PUM2: variants seen among roughly 807,000 people sequenced by gnomAD.
The protein encoded by PUM2 is pumilio homolog 2.
In PUM2, 57 loss-of-function variants were observed where a neutral mutation model predicts 124.5. That is an observed-to-expected ratio of 0.46 (90% confidence interval 0.37 to 0.57). The LOEUF is 0.57. Ranked by LOEUF, PUM2 falls within the 20% of genes least tolerant of loss-of-function variation. PUM2 has a pLI of 0.00. For synonymous variants in PUM2, 460 were observed against 446.1 expected, an observed-to-expected ratio of 1.03 and a Z score of -0.39; for missense variants, 1,065 against 1,290.6, an observed-to-expected ratio of 0.83 and a Z score of 2.68.
chr2:20,261,262 A>T (rs1224117878), intron 14 of PUM2, among the ~76,000 whole-genome samples: 1 of 151,582 alleles, frequency 6.6e-6, no homozygotes, highest in Non-Finnish European at 1.5e-5. Context: ...ACGGTGGCAG[A>T]CGCCTGTAAG....
At chr2:20,351,866 C>T (rs1211168057), upstream of PUM2, among the ~76,000 whole-genome samples, 1 of 152,192 alleles carries the variant, frequency 6.6e-6, no homozygotes, top group African/African-American at 2.4e-5. Flanking sequence ...ACTGTGCCCG[C>T]AAGTGCCTGT....
chr2:20,298,908 T>C (rs1318692763), intron 7 of PUM2, among the ~76,000 whole-genome samples: 1 of 152,170 alleles, frequency 6.6e-6, no homozygotes, highest in African/African-American at 2.4e-5. Context: ...GGAAAATATA[T>C]CTTACTAGGC....
At chr2:20,349,540 G>C (rs1050264701) in intron 1 of PUM2, among the ~76,000 whole-genome samples, 8 of 151,338 alleles carry the variant, frequency 5.3e-5, no homozygotes, top group Admixed American at 3.9e-4. Flanking sequence ...TTATTTACAG[G>C]ATTCCTTAAG....
intron 1 of PUM2, among the ~76,000 whole-genome samples, chr2:20,344,772 G>A (rs1687896614): frequency 6.6e-6 from 1 of 151,904 alleles, no homozygotes; most frequent in African/African-American, 2.4e-5. Flanking sequence ...CACGAGGTCA[G>A]GAGATGGAGA....
At chr2:20,321,593 T>G (rs192524437) in intron 2 of PUM2, among the ~76,000 whole-genome samples, 48 of 151,778 alleles carry the variant, frequency 3.2e-4, no homozygotes, top group South Asian at 1.2e-3. Flanking sequence ...GTGAACTAAA[T>G]GTAGGGGAAG....
intron 14 of PUM2, among the ~76,000 whole-genome samples, chr2:20,261,394 CAAAAAAAAAAAAAAAA>C (rs200294801): frequency 0.57 from 44,208 of 77,888 alleles, 9,781 homozygotes; most frequent in East Asian, 0.82. Context: ...ACTCTGTCTC[CAAAAAAAAAAAAAAAA>C]AAAAAAAAAA....
chr2:20,271,503 G>A lies in PUM2; in HGVS notation c.1957+7080C>T, dbSNP rs145940241. On this transcript the variant is annotated intron_variant, in intron 13 of 20. Transcript: ENST00000361078. Reference sequence around the variant, plus strand: ...TAATTTTTGTATTTTTAATAGAGACGGGGTTTCGCCACATTGCCCAGGCTG... The same window carrying A: ...TAATTTTTGTATTTTTAATAGAGACAGGGTTTCGCCACATTGCCCAGGCTG... Among the ~76,000 whole-genome samples the A allele has an allele frequency of 2.5e-4, 38 of 152,120 alleles. 1 individual carries two copies. The highest frequency in any genetic ancestry group is 8.9e-4 in the African/African-American group (37 of 41,486).
intron 3 of PUM2, among the ~76,000 whole-genome samples, chr2:20,314,503 T>C (rs1680410045): frequency 6.6e-6 from 1 of 152,208 alleles, no homozygotes; most frequent in Non-Finnish European, 1.5e-5. Flanking sequence ...CAAATAGTTT[T>C]TGCTGGAAAC....
intron 1 of PUM2, chr2:20,331,627 A>AG (rs1291873118): frequency 6.6e-6 from 1 of 151,742 alleles, no homozygotes; most frequent in Admixed American, 6.6e-5. Flanking sequence ...AAAAAAAAAA[A>AG]AAAGAAAGAA....
chr2:20,340,596 C>T (rs1304988957), intron 1 of PUM2, among the ~76,000 whole-genome samples: 2 of 152,164 alleles, frequency 1.3e-5, no homozygotes, highest in Non-Finnish European at 2.9e-5. Context: ...GTTTCACCTA[C>T]CCAAGGCTGG....
upstream of PUM2, chr2:20,350,845 C>T (rs1025867867): frequency 1.8e-5 from 17 of 942,618 alleles, no homozygotes; most frequent in Non-Finnish European, 2.0e-5. Context: ...GCCCTCCCCT[C>T]CCCCCCGCCC....
chr2:20,338,947 G>T (rs1484522897), intron 1 of PUM2, among the ~76,000 whole-genome samples: 2 of 152,038 alleles, frequency 1.3e-5, no homozygotes, highest in African/African-American at 4.8e-5. Context: ...CACACTAGTT[G>T]TATCTTTAGA....
rs753516440 is a variant in PUM2, at chr2:20,255,242, G to A, written c.2722C>T (p.His908Tyr). Residue 908 changes from histidine (H) to tyrosine (Y), a missense_variant, in exon 18 of 21, where the codon CAC becomes TAC. Around this residue, in one of 3 missense-constraint regions of PUM2, gnomAD observed 968 missense variants for 1,159.8 expected, o/e 0.83. Transcript: ENST00000361078. ...EQTLPILEEL[H>Y]QHTEQLVQDQ... The stretch of plus-strand genomic sequence containing the variant: ...TGTACCAACTGCTCTGTATGTTGGT[G>A]GAGTTCTTCTAAGATAGGTAAGGTC... 7 of 1,601,638 alleles carry A rather than the reference G, an allele frequency of 4.4e-6. No homozygotes were observed. The South Asian group carries it at 7.7e-5, about 18-fold the overall frequency.
chr2:20,342,913 T>C (rs1042561642), intron 1 of PUM2, among the ~76,000 whole-genome samples: 4 of 152,016 alleles, frequency 2.6e-5, no homozygotes, highest in Non-Finnish European at 5.9e-5. Flanking sequence ...TAGGTAGAAA[T>C]GTATGGAGAG....
chr2:20,288,824 A>G (rs1673323766), intron 10 of PUM2, among the ~76,000 whole-genome samples: 1 of 152,218 alleles, frequency 6.6e-6, no homozygotes, highest in Non-Finnish European at 1.5e-5. Flanking sequence ...ACAATGAAGT[A>G]AAGAAGGCAT....
At position 20,263,328 on chromosome 2, in the gene PUM2, T is replaced by C. The variant is rs1380767707; in HGVS notation, c.2090A>G (p.Tyr697Cys). 6.2e-7 allele frequency: 1 copy of C among 1,614,192 alleles called. No homozygotes were observed. Among genetic ancestry groups the C allele is most frequent in the African/African-American group, 1.3e-5 (1 of 75,046 alleles). Residue 697 changes from tyrosine to cysteine, a missense_variant, in exon 14 of 21, where the codon TAT becomes TGT. Physicochemically the swap from Tyr to Cys is radical, Grantham distance 194. Coordinates refer to ENST00000361078, the MANE Select transcript of PUM2 (RefSeq NM_015317.5). ...AGAAGGCATAATATCAGACCTATTATACCGAAGCCGGGAAGGAGGAAAGAG... is the reference window on the plus strand; with the variant it reads ...AGAAGGCATAATATCAGACCTATTACACCGAAGCCGGGAAGGAGGAAAGAG... ...SQLFPPSRLR[Y>C]NRSDIMPSGR...
chr2:20,301,484 G>A lies in PUM2; in HGVS notation c.884-3806C>T, dbSNP rs116368052. Among the ~76,000 whole-genome samples, 748 of 152,104 alleles carry A rather than the reference G, an allele frequency of 4.9e-3. 6 individuals carry two copies. The highest frequency in any genetic ancestry group is 0.016 in the African/African-American group (670 of 41,466). ...CTGATATGTATACATACTTTTAAAC[G>A]CATATATACTCATTCATTTTGTACT... is the stretch of plus-strand genomic sequence containing the variant. On this transcript the variant is annotated intron_variant, in intron 7 of 20. Coordinates refer to ENST00000361078, the MANE Select transcript of PUM2 (RefSeq NM_015317.5).
upstream of PUM2, among the ~76,000 whole-genome samples, chr2:20,351,499 G>C (rs1689336607): frequency 6.6e-6 from 1 of 152,210 alleles, no homozygotes; most frequent in East Asian, 1.9e-4. Flanking sequence ...AACTCAGGTC[G>C]TTCTCCAGCT....
At position 20,251,556 on chromosome 2, in the gene PUM2, A is replaced by C; in HGVS notation, c.*29T>G. On this transcript the variant is annotated 3_prime_UTR_variant, in exon 21 of 21. Coordinates refer to ENST00000361078, the MANE Select transcript of PUM2 (RefSeq NM_015317.5). ...CAAAAAAATTCTTTTCACATGGTTAAATTATCTTCTTTCTCTTGCTCCTGT... is the reference window on the plus strand; with the variant it reads ...CAAAAAAATTCTTTTCACATGGTTACATTATCTTCTTTCTCTTGCTCCTGT... 1 of 1,594,190 alleles carries C rather than the reference A, an allele frequency of 6.3e-7. No individual in the cohort carries two copies. The highest frequency in any genetic ancestry group is 8.6e-7 in the Non-Finnish European group (1 of 1,168,644).
Sources: allele counts gnomAD v4.1 joint callset (sites outside exome capture counted in the v4.1 genomes callset), GRCh38; gene constraint gnomAD v4.1.1; regional missense constraint gnomAD v4.1.1; transcripts MANE v1.5; gene names NCBI Gene and HGNC (gene_info 2026-07-23, HGNC 2026-07-21).